The following ERBB4 variants were observed in gnomAD, a reference collection of about 807,000 sequenced individuals.
ERBB4 encodes erb-b2 receptor tyrosine kinase 4, also known as receptor tyrosine-protein kinase erbB-4.
In ERBB4, 42 loss-of-function variants were observed where a neutral mutation model predicts 158.0. That is an observed-to-expected ratio of 0.27 (90% confidence interval 0.21 to 0.34). The LOEUF (loss-of-function observed/expected upper bound fraction) is 0.34, where lower values mean the gene tolerates loss of function less well. ERBB4 is among the 10% of genes least tolerant of loss of function. ERBB4 has a pLI of 1.00. For synonymous variants in ERBB4, 583 were observed against 558.7 expected (o/e 1.04, Z -0.61); for missense variants, 1,333 against 1,624.1 (o/e 0.82, Z 3.08).
intron 1 of ERBB4, among the ~76,000 whole-genome samples, chr2:212,318,171 G>C (rs187099800): frequency 1.5e-3 from 226 of 151,656 alleles, no homozygotes; most frequent in Non-Finnish European, 1.2e-3. Flanking sequence ...CACACAGCCG[G>C]TAAGAGGGAA....
intron 19 of ERBB4, among the ~76,000 whole-genome samples, chr2:211,595,239 G>T (rs7557752): frequency 0.053 from 8,006 of 152,166 alleles, 736 homozygotes; most frequent in African/African-American, 0.18. Context: ...TGGAGAATTT[G>T]CAGTGTGAGA....
chr2:211,391,670 G>GTATT (rs1479629642), intron 25 of ERBB4, among the ~76,000 whole-genome samples: 2 of 152,196 alleles, frequency 1.3e-5, no homozygotes, highest in East Asian at 3.9e-4. Context: ...ATCAAATACG[G>GTATT]TATTAAATGC....
intron 2 of ERBB4, among the ~76,000 whole-genome samples, chr2:212,008,980 C>A (rs2076318684): frequency 6.6e-6 from 1 of 151,924 alleles, no homozygotes; most frequent in East Asian, 1.9e-4. Flanking sequence ...TGACCATGGC[C>A]CTTTTTAAAG....
chr2:211,862,937 C>A (rs1029727298), intron 3 of ERBB4, among the ~76,000 whole-genome samples: 8 of 151,814 alleles, frequency 5.3e-5, no homozygotes, highest in Non-Finnish European at 8.8e-5. Flanking sequence ...GTAAATGCAC[C>A]AATCAGCACT....
chr2:211,682,082 ACACACACAC>A, intron 12 of ERBB4, among the ~76,000 whole-genome samples: 1 of 150,702 alleles, frequency 6.6e-6, no homozygotes, highest in East Asian at 2.0e-4. Context: ...ACACACACAC[ACACACACAC>A]AATTGGCTCA....
intron 3 of ERBB4, among the ~76,000 whole-genome samples, chr2:211,849,490 T>C (rs1184811009): frequency 1.3e-5 from 2 of 151,956 alleles, no homozygotes; most frequent in East Asian, 1.9e-4. Flanking sequence ...TTCTGTGCAA[T>C]GTTTAATTAT....
intron 3 of ERBB4, among the ~76,000 whole-genome samples, chr2:211,928,086 C>T (rs1575390621): frequency 1.3e-5 from 2 of 152,132 alleles, no homozygotes; most frequent in South Asian, 2.1e-4. Context: ...CACCATTTAA[C>T]GTAGGTCACG....
chr2:211,400,074 A>G (rs2125351123), intron 25 of ERBB4, among the ~76,000 whole-genome samples: 1 of 152,282 alleles, frequency 6.6e-6, no homozygotes, highest in East Asian at 1.9e-4. Context: ...ATTACAGAGT[A>G]TGAGTCTCTG....
chr2:211,725,277 C>T (rs977559507), intron 5 of ERBB4, 83 bp from the exon 6 acceptor site: 2 of 1,025,212 alleles, frequency 2.0e-6, no homozygotes, highest in Non-Finnish European at 3.1e-6. Context: ...GACAATTTCT[C>T]ACCCTGTCTT....
At chr2:212,374,019 T>C (rs1006627944) in intron 1 of ERBB4, among the ~76,000 whole-genome samples, 2 of 124,678 alleles carry the variant, frequency 1.6e-5, no homozygotes, top group South Asian at 5.4e-4. Context: ...TCCATATATA[T>C]CCATATATAT....
intron 1 of ERBB4, among the ~76,000 whole-genome samples, chr2:212,267,689 G>A (rs2085195314): frequency 6.7e-6 from 1 of 148,950 alleles, no homozygotes; most frequent in East Asian, 2.0e-4. Flanking sequence ...ATGCTGGTGT[G>A]ATGCACCCAT....
chr2:211,619,028 G>C, intron 19 of ERBB4, 149 bp downstream of exon 19: 1 of 634,636 alleles, frequency 1.6e-6, no homozygotes, highest in East Asian at 2.7e-5. Context: ...AATGTGAATT[G>C]GTCTTAGAAA....
At chr2:212,093,260 C>CTAT (rs1397119932) in intron 2 of ERBB4, among the ~76,000 whole-genome samples, 5 of 152,140 alleles carry the variant, frequency 3.3e-5, no homozygotes, top group Non-Finnish European at 7.3e-5. Context: ...TAACCTTGTG[C>CTAT]TATGTGCTTT....
chr2:211,576,381 C>T (rs1307014201), intron 19 of ERBB4, among the ~76,000 whole-genome samples: 1 of 152,160 alleles, frequency 6.6e-6, no homozygotes, highest in East Asian at 1.9e-4. Context: ...GAAAATTAAC[C>T]AATACTTTAG....
intron 13 of ERBB4, among the ~76,000 whole-genome samples, chr2:211,677,777 G>A (rs1288251670): frequency 1.3e-5 from 2 of 152,128 alleles, no homozygotes; most frequent in Non-Finnish European, 2.9e-5. Flanking sequence ...GGGAGGCTGA[G>A]GCAGGAGAAT....
At chr2:211,865,390 C>T (rs1336227061) in intron 3 of ERBB4, among the ~76,000 whole-genome samples, 2 of 152,132 alleles carry the variant, frequency 1.3e-5, no homozygotes, top group South Asian at 4.1e-4. Flanking sequence ...TTTCTTGGAG[C>T]AGCTAGGCCT....
At position 212,292,555 on chromosome 2, in the gene ERBB4, C is replaced by A. The variant is rs1001748333; in HGVS notation, c.83-167652G>T. On this transcript the variant is annotated intron_variant, in intron 1 of 27. Transcript: ENST00000342788. ...TATCTCTATTAAAATTAGTTTAGAT[C>A]TAAAATCAACCAATATCAAAAATTA... Among the ~76,000 whole-genome samples, 13 of 151,850 alleles carry A rather than the reference C, an allele frequency of 8.6e-5. No homozygotes were observed. The East Asian group carries it at 2.5e-3, about 29-fold the overall frequency.
intron 5 of ERBB4, among the ~76,000 whole-genome samples, chr2:211,740,214 G>C (rs2074743345): frequency 2.0e-5 from 3 of 151,952 alleles, no homozygotes; most frequent in Admixed American, 6.6e-5. Flanking sequence ...AAAATTCATG[G>C]GTAAAAATAT....
chr2:211,958,038 T>G (rs1383350410), intron 2 of ERBB4, among the ~76,000 whole-genome samples: 1 of 152,094 alleles, frequency 6.6e-6, no homozygotes, highest in Middle Eastern at 3.2e-3. Context: ...TTGTTATTTT[T>G]AAATGAAAAG....
Sources: allele counts gnomAD v4.1 joint callset (sites outside exome capture counted in the v4.1 genomes callset), GRCh38; gene constraint gnomAD v4.1.1; transcripts MANE v1.5; gene names NCBI Gene and HGNC (gene_info 2026-07-23, HGNC 2026-07-21).